The following PTK2 variants were observed in gnomAD, a reference collection of about 807,000 sequenced individuals.
PTK2 encodes protein tyrosine kinase 2.
PTK2 carries 45 observed loss-of-function variants against 150.1 expected under a neutral mutation model. The ratio of observed to expected loss-of-function variants is 0.30; its 90% CI spans 0.24 to 0.38. The LOEUF is 0.38. Among genes scored for constraint, PTK2 ranks in the 10% least tolerant of loss-of-function variants. The pLI, the probability that PTK2 is intolerant of heterozygous loss-of-function variation, is 1.00. For missense variants in PTK2, 919 were observed against 1,307.3 expected, an observed-to-expected ratio of 0.70 and a Z score of 4.58; for synonymous variants, 432 against 449.2, an observed-to-expected ratio of 0.96 and a Z score of 0.48.
chr8:140,771,499 G>C (rs569772482), intron 14 of PTK2: 2 of 152,316 alleles, frequency 1.3e-5, no homozygotes, highest in African/African-American at 4.8e-5. Context: ...GGACAAGTGT[G>C]AAAGTGAAGT....
At chr8:140,711,576 C>G (rs1023024021) in intron 23 of PTK2, among the ~76,000 whole-genome samples, 1 of 152,192 alleles carries the variant, frequency 6.6e-6, no homozygotes, top group Admixed American at 6.5e-5. Flanking sequence ...ACAGCAACTA[C>G]TGTGTATACT....
In PTK2 at chr8:140,697,061, G is replaced by A. The variant is rs540695111; in HGVS notation, c.2499+3830C>T. Among the ~76,000 whole-genome samples, 10 of 149,594 alleles carry A rather than the reference G, an allele frequency of 6.7e-5. No individual in the cohort carries two copies. The South Asian group carries it at 1.9e-3, about 29-fold the overall frequency. On this transcript the variant is annotated intron_variant, in intron 26 of 31. Coordinates refer to ENST00000522684, the Ensembl canonical transcript of PTK2. ...AGGTGGGAGGACAGATTGAGCCCAG[G>A]AGGTCAAGGCTGGAGTGAGCCGTGA...
exon 32 of PTK2, chr8:140,658,532 G>T (rs539175879): frequency 3.1e-5 from 6 of 194,754 alleles, no homozygotes; most frequent in Non-Finnish European, 6.4e-5. Flanking sequence ...AATGGATGGT[G>T]TAACTGGACA....
intron 15 of PTK2, chr8:140,764,031 C>T (rs2100070858): frequency 1.7e-6 from 1 of 595,130 alleles, no homozygotes; most frequent in East Asian, 2.7e-5. Flanking sequence ...AAAATTATTA[C>T]AGATATTTGA....
Position 140,946,159 on chromosome 8 carries a change from C to G in PTK2, c.-121-20410G>C, listed in dbSNP as rs73356542. ...CTGCATGGAAACTAATTGAGAGGCC[C>G]TACTTACAGAGCTGTCAGAGTAGGA... On this transcript the variant is annotated intron_variant, in intron 1 of 31. Coordinates refer to ENST00000522684, the Ensembl canonical transcript of PTK2. Among the ~76,000 whole-genome samples, 418 of 152,142 alleles carry G rather than the reference C, an allele frequency of 2.7e-3. 4 individuals carry two copies. Among genetic ancestry groups the G allele is most frequent in the Middle Eastern group, 0.02 (6 of 294 alleles).
intron 3 of PTK2, 85 bp from the exon 4 acceptor site, chr8:140,879,722 A>C: frequency 1.1e-5 from 12 of 1,121,622 alleles, no homozygotes; most frequent in Non-Finnish European, 1.2e-5. Flanking sequence ...ACAAAAACAA[A>C]ACAAAAAAAA....
Position 140,761,401 on chromosome 8 carries a change from G to T in PTK2, c.1235-139C>A. 5.3e-6 allele frequency: 4 copies of T among 747,932 alleles called. No homozygotes were observed. The South Asian group carries it at 5.9e-5, about 11-fold the overall frequency. 46.3% of individuals were successfully genotyped at this position (747,932 alleles called of 1,614,324 possible). On this transcript the variant is annotated intron_variant, in intron 15 of 31. Transcript: ENST00000522684. ...TCTATGAAAATGCTTTAAACACAGT[G>T]GAATTCTCTTAAACAATATTTTAAC...
Position 140,958,448 on chromosome 8 carries a change from G to A in PTK2, c.-121-32699C>T, listed in dbSNP as rs187795676. Among the ~76,000 whole-genome samples the A allele has an allele frequency of 1.8e-3, 271 of 152,144 alleles. 3 individuals carry two copies. Among genetic ancestry groups the A allele is most frequent in the African/African-American group, 6.3e-3 (263 of 41,510 alleles). On this transcript the variant is annotated intron_variant, in intron 1 of 31. Coordinates refer to ENST00000522684, the Ensembl canonical transcript of PTK2. Reference sequence around the variant, plus strand: ...AAGCCACCATGCCAAGCCTAATAATGTCTTTTGAGGAATATGATGTCCTAA... The same window carrying A: ...AAGCCACCATGCCAAGCCTAATAATATCTTTTGAGGAATATGATGTCCTAA...
chr8:140,686,665 A>G (rs879161446), exon 27 of PTK2: 2 of 1,613,954 alleles, frequency 1.2e-6, no homozygotes, highest in Non-Finnish European at 1.7e-6. Flanking sequence ...CCCTGTCAAT[A>G]CTGCCTCGAG....
rs541823774 is a variant in PTK2, at chr8:140,706,220, G to A, written c.2143-15C>T. 2 of 1,592,980 alleles carry A rather than the reference G, an allele frequency of 1.3e-6. No individual in the cohort carries two copies. The highest frequency in any genetic ancestry group is 4.5e-5 in the East Asian group (2 of 44,726). On this transcript the variant is annotated splice_polypyrimidine_tract_variant and intron_variant, in intron 23 of 31. Coordinates refer to ENST00000522684, the Ensembl canonical transcript of PTK2. ...GGTCTGCTGGGCTGTAAAATCAAGA[G>A]AGCATCATATGAATGAACCTTTTGA...
At chr8:140,902,936 T>TTTG (rs2100159223) in intron 2 of PTK2, among the ~76,000 whole-genome samples, 5 of 137,502 alleles carry the variant, frequency 3.6e-5, no homozygotes, top group South Asian at 2.4e-4. Context: ...TTTTTTTTTT[T>TTTG]TTTTTTTTTT....
intron 27 of PTK2, among the ~76,000 whole-genome samples, chr8:140,681,547 A>C (rs1288500318): frequency 2.0e-5 from 3 of 151,590 alleles, no homozygotes; most frequent in Non-Finnish European, 4.4e-5. Context: ...GGAGGCGGGC[A>C]GGGGGGGATC....
intron 10 of PTK2, among the ~76,000 whole-genome samples, chr8:140,817,587 C>T (rs1320716689): frequency 6.6e-6 from 1 of 152,144 alleles, no homozygotes; most frequent in Non-Finnish European, 1.5e-5. Context: ...CATCTCGGTA[C>T]TTATTGTTGT....
intron 12 of PTK2, among the ~76,000 whole-genome samples, chr8:140,795,301 AG>A (rs762506541): frequency 1.3e-5 from 2 of 152,182 alleles, no homozygotes; most frequent in Non-Finnish European, 2.9e-5. Context: ...TACAAGCCAA[AG>A]CCCTTACAAT....
chr8:140,674,768 TGA>T (rs1222206560), intron 28 of PTK2, among the ~76,000 whole-genome samples: 2 of 151,232 alleles, frequency 1.3e-5, no homozygotes, highest in Non-Finnish European at 2.9e-5. Context: ...GAAAGAAGGC[TGA>T]GCACAGTGGC....
chr8:140,881,465 C>G (rs535219565), intron 3 of PTK2, among the ~76,000 whole-genome samples: 6 of 152,190 alleles, frequency 3.9e-5, no homozygotes, highest in African/African-American at 1.4e-4. Context: ...CCAGTACGCA[C>G]CAACACCAGT....
At chr8:140,682,909 T>C (rs2153633085) in intron 27 of PTK2, among the ~76,000 whole-genome samples, 1 of 152,122 alleles carries the variant, frequency 6.6e-6, no homozygotes, top group East Asian at 1.9e-4. Context: ...TAAAAAGATC[T>C]CAAATTAATA....
At chr8:140,932,383 T>G (rs948235959) in intron 1 of PTK2, among the ~76,000 whole-genome samples, 2 of 151,858 alleles carry the variant, frequency 1.3e-5, no homozygotes, top group South Asian at 4.2e-4. Flanking sequence ...CCCAGTTTAT[T>G]TTTGTATTTT....
chr8:140,743,770 TTTTTC>T (rs1317561238), intron 19 of PTK2, among the ~76,000 whole-genome samples: 5 of 151,556 alleles, frequency 3.3e-5, no homozygotes, highest in Admixed American at 6.6e-5. Flanking sequence ...AGATGCTTAG[TTTTTC>T]TTTTCTTTTT....
Sources: gnomAD v4.1 joint callset for allele counts (sites outside exome capture counted in the v4.1 genomes callset) on GRCh38, gnomAD v4.1.1 for gene constraint, MANE v1.5 for transcripts, NCBI Gene and HGNC (gene_info 2026-07-23, HGNC 2026-07-21) for gene names.